Variants in ANGPTL3 observed in about 807,000 individuals in gnomAD.
ANGPTL3 encodes angiopoietin-related protein 3.
A neutral mutation model predicts 52.7 loss-of-function variants in ANGPTL3; 51 were observed. That is an observed-to-expected ratio of 0.97 (90% CI 0.77 to 1.22). The LOEUF (loss-of-function observed/expected upper bound fraction) is 1.22, where lower values mean the gene tolerates loss of function less well. Among genes scored for constraint, ANGPTL3 ranks in the 50% most tolerant of loss-of-function variants. ANGPTL3 has a pLI of 0.00. For missense variants in ANGPTL3, 506 were observed against 520.7 expected (o/e 0.97, Z 0.27); for synonymous variants, 185 against 179.8 (o/e 1.03, Z -0.23).
intron 5 of ANGPTL3, 66 bp from the exon 6 acceptor site, chr1:62,603,903 T>TA: frequency 2.0e-6 from 3 of 1,514,474 alleles, no homozygotes; most frequent in Non-Finnish European, 1.8e-6. Context: ...AAAAAACACT[T>TA]AAAAAAACTG....
intron 5 of ANGPTL3, 57 bp downstream of exon 5, chr1:62,602,437 G>GT: frequency 1.3e-6 from 2 of 1,484,028 alleles, no homozygotes; most frequent in South Asian, 2.3e-5. Context: ...TATTTACTGA[G>GT]AACCTCTTAT....
chr1:62,604,990 C>T lies in ANGPTL3; in HGVS notation c.*173C>T. On this transcript the variant is annotated 3_prime_UTR_variant, in exon 7 of 7. Transcript: ENST00000371129. Reference sequence around the variant, plus strand: ...TACAATCACATAACCTTAAAGAATACCGTTTACATTTCTCAATCAAAATTC... The same window carrying T: ...TACAATCACATAACCTTAAAGAATATCGTTTACATTTCTCAATCAAAATTC... 1.6e-6 allele frequency: 1 copy of T among 636,352 alleles called. No individual in the cohort carries two copies. Among genetic ancestry groups the T allele is most frequent in the Non-Finnish European group, 2.6e-6 (1 of 377,946 alleles). The allele number at this position is 636,352 out of a possible 1,614,324, so 39.4% of individuals were successfully genotyped here.
rs759381464 is a variant in ANGPTL3, at chr1:62,604,196, A to C, written c.1159A>C (p.Lys387Gln). 1 of 1,613,412 alleles carries C rather than the reference A, an allele frequency of 6.2e-7. No homozygotes were observed. Among genetic ancestry groups the C allele is most frequent in the Non-Finnish European group, 8.5e-7 (1 of 1,179,468 alleles). Reference sequence around the variant, plus strand: ...TTTGGTGTTTTCTACTTGGGATCACAAAGCAAAAGGACACTTCAACTGTCC... The same window carrying C: ...TTTGGTGTTTTCTACTTGGGATCACCAAGCAAAAGGACACTTCAACTGTCC... ...KDLVFSTWDH[K>Q]AKGHFNCPEG... is the part of the protein sequence containing the mutation. Residue 387 changes from lysine to glutamine, a missense_variant, in exon 6 of 7, where the codon AAA becomes CAA. Physicochemically the swap from Lys to Gln is moderately conservative, Grantham distance 53. Transcript: ENST00000371129.
intron 5 of ANGPTL3, among the ~76,000 whole-genome samples, chr1:62,602,664 A>T (rs1553181881): frequency 6.6e-6 from 1 of 151,690 alleles, no homozygotes; most frequent in Non-Finnish European, 1.5e-5. Flanking sequence ...ATTAAAGACA[A>T]TTTTGATTAA....
chr1:62,604,837 G>A lies in ANGPTL3; in HGVS notation c.*20G>A. ...GAATGAACTGAGGCAAATTTAAAAG[G>A]CAATAATTTAAACATTAACCTCATT... On this transcript the variant is annotated 3_prime_UTR_variant, in exon 7 of 7. Transcript: ENST00000371129. The A allele has an allele frequency of 1.2e-6, 2 of 1,606,208 alleles. No homozygotes were observed. The highest frequency in any genetic ancestry group is 1.7e-6 in the Non-Finnish European group (2 of 1,175,990).
chr1:62,598,382 A>T (rs2149527307), intron 1 of ANGPTL3, among the ~76,000 whole-genome samples: 1 of 152,162 alleles, frequency 6.6e-6, no homozygotes, highest in Non-Finnish European at 1.5e-5. Context: ...AAAAAATTTA[A>T]AACTATTCTC....
chr1:62,605,509 T>A lies in ANGPTL3; in HGVS notation c.*692T>A, dbSNP rs1571740309. 1 of 152,548 alleles carries A rather than the reference T, an allele frequency of 6.6e-6. No homozygotes were observed. The highest frequency in any genetic ancestry group is 1.9e-4 in the East Asian group (1 of 5,198). The allele number at this position is 152,548 out of a possible 1,614,324, so 9.4% of individuals were successfully genotyped here. On this transcript the variant is annotated 3_prime_UTR_variant, in exon 7 of 7. Coordinates refer to ENST00000371129, the MANE Select transcript of ANGPTL3 (RefSeq NM_014495.4). ...AACATGAGGTATCACTATACCTTAT[T>A]TGTTAAAATATATACTGTATACATT...
In ANGPTL3 at chr1:62,602,315, T is replaced by C; in HGVS notation, c.866T>C (p.Ile289Thr). ...GSPWTLIQHR[I>T]DGSQNFNETW... ...CCATGGACATTAATTCAACATCGAATAGATGGATCACAAAACTTCAATGAA... is the reference window on the plus strand; with the variant it reads ...CCATGGACATTAATTCAACATCGAACAGATGGATCACAAAACTTCAATGAA... Residue 289 changes from isoleucine to threonine, a missense_variant, in exon 5 of 7, where the codon ATA (isoleucine) becomes ACA (threonine). Ile to Thr is a moderately conservative substitution (Grantham distance 89, BLOSUM62 -1). Coordinates refer to ENST00000371129, the MANE Select transcript of ANGPTL3 (RefSeq NM_014495.4). 1 of 1,610,736 alleles carries C rather than the reference T, an allele frequency of 6.2e-7. No individual in the cohort carries two copies. Among genetic ancestry groups the C allele is most frequent in the Non-Finnish European group, 8.5e-7 (1 of 1,177,626 alleles).
At chr1:62,599,644 T>C (rs949715823) in intron 2 of ANGPTL3, among the ~76,000 whole-genome samples, 1 of 152,194 alleles carries the variant, frequency 6.6e-6, no homozygotes, top group Non-Finnish European at 1.5e-5. Flanking sequence ...CTCCAGAATA[T>C]AGAATACTGT....
chr1:62,603,892 T>C, intron 5 of ANGPTL3, 77 bp from the exon 6 acceptor site: 2 of 1,429,184 alleles, frequency 1.4e-6, no homozygotes, highest in Non-Finnish European at 2.0e-6. Flanking sequence ...GTTGCACCAA[T>C]AAAAAACACT....
chr1:62,604,317 A>G, intron 6 of ANGPTL3, 82 bp downstream of exon 6: 1 of 1,538,422 alleles, frequency 6.5e-7, no homozygotes, highest in Non-Finnish European at 8.9e-7. Flanking sequence ...TGCAATGACA[A>G]CTTTTAAAAA....
chr1:62,601,580 A>C (rs186647447), intron 3 of ANGPTL3, among the ~76,000 whole-genome samples, 189 bp from the exon 4 acceptor site: 219 of 151,846 alleles, frequency 1.4e-3, no homozygotes, highest in African/African-American at 4.9e-3. Context: ...TTTTTAAAAG[A>C]AAATAGTTTG....
chr1:62,598,524 T>C (rs1649630288), intron 1 of ANGPTL3, among the ~76,000 whole-genome samples, 172 bp from the exon 2 acceptor site: 2 of 152,046 alleles, frequency 1.3e-5, no homozygotes, highest in South Asian at 2.1e-4. Flanking sequence ...AATAAAATGT[T>C]AAGGACAAAA....
At chr1:62,599,397 A>G (rs999637670) in intron 2 of ANGPTL3, among the ~76,000 whole-genome samples, 3 of 151,962 alleles carry the variant, frequency 2.0e-5, no homozygotes, top group African/African-American at 7.2e-5. Flanking sequence ...TAGGGTCGTT[A>G]TCAAACAAAA....
At chr1:62,601,743 A>C (rs1417172531) in intron 3 of ANGPTL3, 26 bp from the exon 4 acceptor site, 1 of 1,415,502 alleles carries the variant, frequency 7.1e-7, no homozygotes, top group East Asian at 2.3e-5. Flanking sequence ...ACTAAATCTG[A>C]TGTAATAACA....
In ANGPTL3 at chr1:62,604,811, T is replaced by C. The variant is rs1650728405; in HGVS notation, c.1377T>C (p.Phe459=). Residue 459 remains phenylalanine (F), a synonymous_variant, in exon 7 of 7, where the codon TTT becomes TTC. Coordinates refer to ENST00000371129, the MANE Select transcript of ANGPTL3 (RefSeq NM_014495.4). Reference sequence around the variant, plus strand: ...TCCATCCAACAGATTCAGAAAGCTTTGAATGAACTGAGGCAAATTTAAAAG... The same window carrying C: ...TCCATCCAACAGATTCAGAAAGCTTCGAATGAACTGAGGCAAATTTAAAAG... ...MLIHPTDSES[F]E 6.2e-7 allele frequency: 1 copy of C among 1,612,622 alleles called. No homozygotes were observed. Among genetic ancestry groups the C allele is most frequent in the Non-Finnish European group, 8.5e-7 (1 of 1,179,106 alleles).
Position 62,604,888 on chromosome 1 carries a change from G to T in ANGPTL3, c.*71G>T. The T allele has an allele frequency of 6.7e-7, 1 of 1,486,556 alleles. No homozygotes were observed. Among genetic ancestry groups the T allele is most frequent in the Non-Finnish European group, 9.4e-7 (1 of 1,069,126 alleles). The allele number at this position is 1,486,556 out of a possible 1,614,324, so 92.1% of individuals were successfully genotyped here. On this transcript the variant is annotated 3_prime_UTR_variant, in exon 7 of 7. Coordinates refer to ENST00000371129, the MANE Select transcript of ANGPTL3 (RefSeq NM_014495.4). ...CCAAGTTAATGTGGTCTAATAATCT[G>T]GTATTAAATCCTTAAGAGAAAGCTT... is the stretch of plus-strand genomic sequence containing the variant.
intron 2 of ANGPTL3, among the ~76,000 whole-genome samples, chr1:62,599,637 C>T (rs1649817180): frequency 6.6e-6 from 1 of 151,784 alleles, no homozygotes; most frequent in Admixed American, 6.6e-5. Context: ...GTATATACTC[C>T]AGAATATAGA....
rs542076092 is a variant in ANGPTL3 at position 62,605,624 on chromosome 1, C to A, written c.*807C>A. ...GTAAGAATGAACATATTTGTGGCATCGAGTTAAAGTTTATATTTCCCCTAA... is the reference window on the plus strand; with the variant it reads ...GTAAGAATGAACATATTTGTGGCATAGAGTTAAAGTTTATATTTCCCCTAA... On this transcript the variant is annotated 3_prime_UTR_variant, in exon 7 of 7. Transcript: ENST00000371129. 1.3e-5 allele frequency: 2 copies of A among 152,406 alleles called. No homozygotes were observed. Among genetic ancestry groups the A allele is most frequent in the Non-Finnish European group, 2.9e-5 (2 of 67,840 alleles). The allele number at this position is 152,406 out of a possible 1,614,324, so 9.4% of individuals were successfully genotyped here.
Sources: gnomAD v4.1 joint callset for allele counts (sites outside exome capture counted in the v4.1 genomes callset) on GRCh38, gnomAD v4.1.1 for gene constraint, MANE v1.5 for transcripts, NCBI Gene and HGNC (gene_info 2026-07-23, HGNC 2026-07-21) for gene names.